Variants in PLAT observed in about 807,000 individuals in gnomAD.
PLAT encodes tissue-type plasminogen activator.
PLAT carries 48 observed loss-of-function variants against 74.9 expected under a neutral mutation model. The ratio of observed to expected loss-of-function variants is 0.64; its 90% CI spans 0.51 to 0.82. PLAT has a LOEUF of 0.82. Ranked by LOEUF, PLAT falls within the 40% of genes least tolerant of loss-of-function variation. The probability of loss-of-function intolerance (pLI) is 0.00; values close to 1 mark genes in which losing one functional copy is unlikely to be tolerated. For missense variants in PLAT, 673 were observed against 736.2 expected (o/e 0.91, Z 0.99); for synonymous variants, 307 against 294.4 (o/e 1.04, Z -0.44).
At chr8:42,194,789 C>T (rs901764868) in intron 1 of PLAT, among the ~76,000 whole-genome samples, 6 of 97,594 alleles carry the variant, frequency 6.1e-5, no homozygotes, top group South Asian at 4.3e-4. Flanking sequence ...CCAACCTCCA[C>T]GCCCACCCCC....
chr8:42,187,839 C>T (rs759736001), intron 5 of PLAT, 67 bp downstream of exon 5: 17 of 1,154,802 alleles, frequency 1.5e-5, no homozygotes, highest in Non-Finnish European at 2.2e-5. Flanking sequence ...CCTGCCTTTC[C>T]TTCCGGGGGC....
At chr8:42,192,890 A>G (rs1805739933) in intron 2 of PLAT, among the ~76,000 whole-genome samples, 1 of 152,216 alleles carries the variant, frequency 6.6e-6, no homozygotes, top group Non-Finnish European at 1.5e-5. Context: ...AGGTCAAAAT[A>G]AGTGCCTAGG....
At chr8:42,187,672 C>A in intron 5 of PLAT, 100 bp from the exon 6 acceptor site, 1 of 1,200,024 alleles carries the variant, frequency 8.3e-7, no homozygotes, top group Non-Finnish European at 1.2e-6. Flanking sequence ...AGGCCTGATG[C>A]AGGCTGGCTC....
At chr8:42,179,895 C>T in intron 12 of PLAT, 31 bp downstream of exon 12, 2 of 1,535,708 alleles carry the variant, frequency 1.3e-6, no homozygotes, top group African/African-American at 1.4e-5. Context: ...GTCCCGCAGA[C>T]AGGATGGGGC....
At chr8:42,194,239 A>AGTGTGT (rs1292130383) in intron 1 of PLAT, among the ~76,000 whole-genome samples, 1 of 106,250 alleles carries the variant, frequency 9.4e-6, no homozygotes, top group Non-Finnish European at 1.8e-5. Context: ...AGAGAGAGAG[A>AGTGTGT]GAGTGTGTGT....
At chr8:42,202,542 TC>T (rs1806173671) in intron 1 of PLAT, among the ~76,000 whole-genome samples, 1 of 151,484 alleles carries the variant, frequency 6.6e-6, no homozygotes, top group Non-Finnish European at 1.5e-5. Context: ...ATGAGCTGCT[TC>T]TCTGTTAAGC....
intron 1 of PLAT, among the ~76,000 whole-genome samples, chr8:42,200,312 G>A (rs1241235366): frequency 6.6e-6 from 1 of 152,138 alleles, no homozygotes; most frequent in African/African-American, 2.4e-5. Context: ...GCTGAGGAGG[G>A]TGGATCATTT....
At position 42,178,872 on chromosome 8, in the gene PLAT, G is replaced by C. The variant is rs747889671; in HGVS notation, c.1530+25C>G. ...GGCATTCTCCCCTGGGTTGTGCCCAGCATGGGCGCGCCACTCCTGGTTACC... is the reference window on the plus strand; with the variant it reads ...GGCATTCTCCCCTGGGTTGTGCCCACCATGGGCGCGCCACTCCTGGTTACC... On this transcript the variant is annotated intron_variant, in intron 13 of 13. Coordinates refer to ENST00000220809, the MANE Select transcript of PLAT (RefSeq NM_000930.5). The C allele has an allele frequency of 5.6e-6, 9 of 1,609,726 alleles. No individual in the cohort carries two copies. The East Asian group carries it at 6.7e-5, about 12-fold the overall frequency.
intron 1 of PLAT, among the ~76,000 whole-genome samples, chr8:42,193,905 G>A (rs1322373676): frequency 6.6e-6 from 1 of 151,734 alleles, no homozygotes; most frequent in Admixed American, 6.6e-5. Flanking sequence ...TAGTAGAGAC[G>A]GGGTTTCACC....
rs775288998 is a variant in PLAT, at chr8:42,175,988, C to T, written c.*5G>A. The stretch of plus-strand genomic sequence containing the variant: ...ATTTGCTTTTGAGGAGTCGGGTGTT[C>T]CTGGTCACGGTCGCATGTTGTCACG... On this transcript the variant is annotated 3_prime_UTR_variant, in exon 14 of 14. Transcript: ENST00000220809. The T allele has an allele frequency of 5.6e-6, 9 of 1,613,588 alleles. No individual in the cohort carries two copies. The highest frequency in any genetic ancestry group is 7.6e-6 in the Non-Finnish European group (9 of 1,179,772).
intron 13 of PLAT, among the ~76,000 whole-genome samples, chr8:42,176,625 A>G (rs1804983719): frequency 6.6e-6 from 1 of 152,242 alleles, no homozygotes; most frequent in African/African-American, 2.4e-5. Context: ...TGCTAAATAC[A>G]CGAATGCATG....
rs117471609 is a variant in PLAT, at chr8:42,197,630, C to T, written c.-26-4419G>A. On this transcript the variant is annotated intron_variant, in intron 1 of 13. Coordinates refer to ENST00000220809, the MANE Select transcript of PLAT (RefSeq NM_000930.5). ...TGAGTAACTGATTCTGGATTGGGCA[C>T]AGCCCCTGGAAAGGAGGAGGCCAGC... Among the ~76,000 whole-genome samples, 1,300 of 152,212 alleles carry T rather than the reference C, an allele frequency of 8.5e-3. 21 individuals are homozygous for T. The highest frequency in any genetic ancestry group is 0.06 in the South Asian group (289 of 4,812).
intron 1 of PLAT, chr8:42,195,632 C>T (rs1805877029): frequency 6.6e-6 from 1 of 152,236 alleles, no homozygotes; most frequent in Non-Finnish European, 1.5e-5. Flanking sequence ...GGAATCTTCT[C>T]ATCACAGAGA....
At chr8:42,191,497 T>G (rs1664978568) in intron 2 of PLAT, 83 bp from the exon 3 acceptor site, 2 of 1,280,180 alleles carry the variant, frequency 1.6e-6, no homozygotes, top group Non-Finnish European at 2.3e-6. Flanking sequence ...GAAGCCCATG[T>G]GAACCTGCCG....
chr8:42,189,578 GATTT>G (rs753126916), intron 3 of PLAT, among the ~76,000 whole-genome samples: 11 of 151,132 alleles, frequency 7.3e-5, no homozygotes, highest in Non-Finnish European at 1.2e-4. Context: ...CTTCTCATAT[GATTT>G]ATTTATTTAT....
chr8:42,206,896 T>G (rs1202808137), intron 1 of PLAT, among the ~76,000 whole-genome samples: 1 of 152,154 alleles, frequency 6.6e-6, no homozygotes, highest in African/African-American at 2.4e-5. Context: ...CTGTGGAGAC[T>G]TGTAGGGGTG....
Position 42,176,009 on chromosome 8 carries a change from TCA to T in PLAT, c.1671_1672del (p.Asp558GlnfsTer16), listed in dbSNP as rs758615075. ...TGTTCCTGGTCACGGTCGCATGTTG[TCA>T]CGAATCCAGTCTAGGTAGTTGGTAA... is the stretch of plus-strand genomic sequence containing the variant. On this transcript the variant is annotated frameshift_variant, in exon 14 of 14. Transcript: ENST00000220809. LOFTEE classifies it high-confidence loss of function. 10 of 1,614,180 alleles carry T rather than the reference TCA, an allele frequency of 6.2e-6. No individual in the cohort carries two copies. The South Asian group carries it at 1.1e-4, about 18-fold the overall frequency.
chr8:42,179,521 A>G (rs1367235617), intron 12 of PLAT, among the ~76,000 whole-genome samples: 2 of 152,212 alleles, frequency 1.3e-5, no homozygotes, highest in Admixed American at 6.5e-5. Flanking sequence ...AGATAGTTCT[A>G]TCTCCACTTT....
intron 13 of PLAT, among the ~76,000 whole-genome samples, chr8:42,177,429 G>GT (rs1805016393): frequency 6.6e-6 from 1 of 152,184 alleles, no homozygotes; most frequent in Admixed American, 6.5e-5. Flanking sequence ...GGATTAGGCT[G>GT]TATCTATTCT....
Sources: gnomAD v4.1 joint callset for allele counts (sites outside exome capture counted in the v4.1 genomes callset) on GRCh38, gnomAD v4.1.1 for gene constraint, MANE v1.5 for transcripts, NCBI Gene and HGNC (gene_info 2026-07-23, HGNC 2026-07-21) for gene names.